NTRK3: variants seen among roughly 807,000 people sequenced by gnomAD.
NTRK3 encodes the protein neurotrophic receptor tyrosine kinase 3, also known as NT-3 growth factor receptor.
Under a neutral mutation model 91.7 loss-of-function variants are expected in NTRK3, and 24 were observed. That is an observed-to-expected ratio of 0.26 (90% CI 0.19 to 0.37). The LOEUF is 0.37. NTRK3 is among the 10% of genes least tolerant of loss of function. NTRK3 has a pLI of 1.00. For synonymous variants in NTRK3, 483 were observed against 404.0 expected, an observed-to-expected ratio of 1.20 and a Z score of -2.34; for missense variants, 880 against 1,068.9, an observed-to-expected ratio of 0.82 and a Z score of 2.46.
intron 13 of NTRK3, among the ~76,000 whole-genome samples, chr15:88,051,573 C>T (rs916600725): frequency 2.0e-5 from 3 of 152,142 alleles, no homozygotes; most frequent in African/African-American, 7.2e-5. Context: ...TTGGTCATGC[C>T]TCTTAAACTA....
At chr15:88,036,837 G>A (rs896895709) in intron 13 of NTRK3, among the ~76,000 whole-genome samples, 1 of 152,216 alleles carries the variant, frequency 6.6e-6, no homozygotes, top group Non-Finnish European at 1.5e-5. Flanking sequence ...ATTATAGGAT[G>A]TGGATGGTTA....
At chr15:87,974,201 G>A (rs1385417716) in intron 14 of NTRK3, among the ~76,000 whole-genome samples, 1 of 152,148 alleles carries the variant, frequency 6.6e-6, no homozygotes. Flanking sequence ...GGGAGGTGGA[G>A]GTGAGGATGT....
chr15:88,104,106 A>C (rs1189716309), intron 13 of NTRK3, among the ~76,000 whole-genome samples: 1 of 152,222 alleles, frequency 6.6e-6, no homozygotes, highest in African/African-American at 2.4e-5. Flanking sequence ...ATCCTGGGTC[A>C]GAGAATACCA....
At chr15:88,069,891 C>T in intron 13 of NTRK3, among the ~76,000 whole-genome samples, 1 of 152,192 alleles carries the variant, frequency 6.6e-6, no homozygotes, top group East Asian at 1.9e-4. Flanking sequence ...GGTGCCTCCT[C>T]TCTGGCACTT....
chr15:88,073,119 G>A (rs186367243), intron 13 of NTRK3, among the ~76,000 whole-genome samples: 5 of 152,116 alleles, frequency 3.3e-5, no homozygotes, highest in Admixed American at 2.0e-4. Context: ...AGACACCTGC[G>A]GTTCTCAAAG....
At chr15:88,079,202 G>C (rs1319224225) in intron 13 of NTRK3, among the ~76,000 whole-genome samples, 2 of 152,220 alleles carry the variant, frequency 1.3e-5, no homozygotes, top group African/African-American at 4.8e-5. Flanking sequence ...TCGTGACACA[G>C]TTTGAAGTCA....
intron 10 of NTRK3, 36 bp from the exon 11 acceptor site, chr15:88,128,770 T>C (rs748690359): frequency 1.1e-5 from 17 of 1,595,208 alleles, no homozygotes; most frequent in Admixed American, 6.7e-5. Flanking sequence ...TTAACAAATT[T>C]AATAAAAACC....
chr15:87,881,177 G>A (rs538933778), intron 17 of NTRK3, among the ~76,000 whole-genome samples: 1 of 152,316 alleles, frequency 6.6e-6, no homozygotes, highest in South Asian at 2.1e-4. Flanking sequence ...AAACATTAGG[G>A]AACTCCTCTT....
At position 88,053,227 on chromosome 15, in the gene NTRK3, G is replaced by C. The variant is rs987543172; in HGVS notation, c.1397-20182C>G. 2.6e-5 allele frequency among the ~76,000 whole-genome samples: 4 copies of C among 152,236 alleles called. No homozygotes were observed. In the East Asian group the frequency reaches 5.8e-4, roughly 22 times the overall value. On this transcript the variant is annotated intron_variant, in intron 13 of 18. Transcript: ENST00000394480. ...CACAAAGGAAGGTGCAGCAGGGTAA[G>C]GGGGCAGAGAGTAATGAGGCTAATT...
chr15:87,894,059 A>C (rs1264899838), intron 17 of NTRK3, among the ~76,000 whole-genome samples: 1 of 152,226 alleles, frequency 6.6e-6, no homozygotes, highest in Admixed American at 6.5e-5. Context: ...TTATTTATTA[A>C]AATTTAATCT....
At chr15:87,973,707 G>T (rs956898345) in intron 14 of NTRK3, among the ~76,000 whole-genome samples, 1 of 152,096 alleles carries the variant, frequency 6.6e-6, no homozygotes, top group African/African-American at 2.4e-5. Flanking sequence ...GTGCTGGACA[G>T]TCTAGATGGA....
intron 4 of NTRK3, 104 bp from the exon 5 acceptor site, chr15:88,183,593 G>A (rs369830692): frequency 6.3e-5 from 67 of 1,059,500 alleles, no homozygotes; most frequent in Non-Finnish European, 7.9e-5. Context: ...CCCTGCAGCC[G>A]CCCTGTGGAT....
intron 13 of NTRK3, among the ~76,000 whole-genome samples, chr15:88,046,848 G>A (rs1472922367): frequency 4.6e-5 from 7 of 152,186 alleles, no homozygotes; most frequent in Admixed American, 6.5e-5. Context: ...CAGGAATGGC[G>A]AGGGTACAGA....
At chr15:88,032,139 G>A (rs2078594401) in intron 14 of NTRK3, among the ~76,000 whole-genome samples, 1 of 152,074 alleles carries the variant, frequency 6.6e-6, no homozygotes, top group South Asian at 2.1e-4. Context: ...GGCCCAGATT[G>A]AACCTGGGCA....
At chr15:87,919,197 T>G (rs1391130921) in intron 17 of NTRK3, among the ~76,000 whole-genome samples, 1 of 152,188 alleles carries the variant, frequency 6.6e-6, no homozygotes, top group African/African-American at 2.4e-5. Flanking sequence ...ATCTGTTCCA[T>G]GTCAGGAGTC....
At chr15:87,943,932 C>T (rs1466260748) in intron 14 of NTRK3, among the ~76,000 whole-genome samples, 1 of 152,046 alleles carries the variant, frequency 6.6e-6, no homozygotes, top group Non-Finnish European at 1.5e-5. Flanking sequence ...CAAGCAGAAG[C>T]CTCCGTGGGC....
At position 87,984,628 on chromosome 15, in the gene NTRK3, G is replaced by A. The variant is rs550270486; in HGVS notation, c.1586-43875C>T. On this transcript the variant is annotated intron_variant, in intron 14 of 18. Transcript: ENST00000394480. ...CAAACCTAACCCACAGGCCGTATAT[G>A]GCCTTATGATGTGCCTTTTATTTTA... Among the ~76,000 whole-genome samples, 10 of 152,340 alleles carry A rather than the reference G, an allele frequency of 6.6e-5. No homozygotes were observed. In the East Asian group the frequency reaches 1.9e-3, roughly 29 times the overall value.
intron 13 of NTRK3, among the ~76,000 whole-genome samples, chr15:88,086,565 C>G (rs367672704): frequency 6.6e-6 from 1 of 151,750 alleles, no homozygotes; most frequent in East Asian, 1.9e-4. Flanking sequence ...GGGGCTCTCT[C>G]GTATTCTGAT....
In NTRK3 at chr15:88,145,233, C is replaced by T. The variant is rs1366829864; in HGVS notation, c.464+2102G>A. Among the ~76,000 whole-genome samples, 7 of 152,334 alleles carry T rather than the reference C, an allele frequency of 4.6e-5. No individual in the cohort carries two copies. In the East Asian group the frequency reaches 1.2e-3, roughly 25 times the overall value. On this transcript the variant is annotated intron_variant, in intron 6 of 18. Transcript: ENST00000394480. ...ATTGTTTGGATTTTAATCATAACCA[C>T]AGCTAAGAGCCAACACGCGGCCCCT...
Sources: allele counts gnomAD v4.1 joint callset (sites outside exome capture counted in the v4.1 genomes callset), GRCh38; gene constraint gnomAD v4.1.1; transcripts MANE v1.5; gene names NCBI Gene and HGNC (gene_info 2026-07-23, HGNC 2026-07-21).